IQGAP1: variants seen among roughly 807,000 people sequenced by gnomAD.
IQGAP1 encodes the protein ras GTPase-activating-like protein IQGAP1.
IQGAP1 carries 66 observed loss-of-function variants against 215.6 expected under a neutral mutation model. That is an observed-to-expected ratio of 0.31 (90% confidence interval 0.25 to 0.38). IQGAP1 has a LOEUF of 0.38. Among genes scored for constraint, IQGAP1 ranks in the 10% least tolerant of loss-of-function variants. The pLI is 1.00. For synonymous variants in IQGAP1, 772 were observed against 728.7 expected (o/e 1.06, Z -0.96); for missense variants, 1,712 against 1,997.1 (o/e 0.86, Z 2.72).
chr15:90,456,442 A>G, intron 15 of IQGAP1, 127 bp downstream of exon 15: 1 of 811,346 alleles, frequency 1.2e-6, no homozygotes. Flanking sequence ...GATTCAAAGC[A>G]CTGGAGGGAC....
chr15:90,403,777 G>T (rs1212587357), intron 2 of IQGAP1, among the ~76,000 whole-genome samples: 1 of 152,132 alleles, frequency 6.6e-6, no homozygotes, highest in Non-Finnish European at 1.5e-5. Context: ...GGGTTCAAGC[G>T]ATTGTCCCGC....
intron 3 of IQGAP1, among the ~76,000 whole-genome samples, chr15:90,426,939 G>GT (rs1965231321): frequency 6.9e-6 from 1 of 144,540 alleles, no homozygotes; most frequent in African/African-American, 2.6e-5. Flanking sequence ...GGGTGTCAGA[G>GT]TGAGACTCCA....
At chr15:90,496,531 G>A (rs1966277030) in intron 36 of IQGAP1, among the ~76,000 whole-genome samples, 1 of 151,804 alleles carries the variant, frequency 6.6e-6, no homozygotes, top group South Asian at 2.1e-4. Flanking sequence ...TCACCATGTT[G>A]GCCAGGATGG....
intron 2 of IQGAP1, among the ~76,000 whole-genome samples, chr15:90,404,414 A>T (rs575743436): frequency 1.3e-5 from 2 of 152,334 alleles, no homozygotes; most frequent in Admixed American, 6.5e-5. Flanking sequence ...GAAGATGAGC[A>T]TCTTTACATG....
chr15:90,467,591 A>G lies in IQGAP1; in HGVS notation c.2177A>G (p.Gln726Arg), dbSNP rs372432449. ...ATGCAGCTTTCTCGGGAGGAGATCC[A>G]GGTAGGTTACCTTTCTTCACGTAAG... Reference protein sequence around the residue: ...NSMQLSREEIQSSISGVTAAY... With the variant: ...NSMQLSREEIRSSISGVTAAY... The change falls in exon 18 of 38, where the codon CAG (glutamine) becomes CGG (arginine). Residue 726 changes from glutamine (Q) to arginine (R), a missense_variant and splice_region_variant. Gln to Arg is a conservative substitution (Grantham distance 43). This residue lies in a region of IQGAP1 where 1,021 missense variants were observed against 1,074.2 expected (regional missense o/e 0.95). Coordinates refer to ENST00000268182, the MANE Select transcript of IQGAP1 (RefSeq NM_003870.4). 1.0e-5 allele frequency: 16 copies of G among 1,605,586 alleles called. No homozygotes were observed. Among genetic ancestry groups the G allele is most frequent in the Non-Finnish European group, 1.4e-5 (16 of 1,177,548 alleles).
chr15:90,466,547 T>A (rs756919309), intron 17 of IQGAP1, 111 bp downstream of exon 17: 60 of 1,005,558 alleles, frequency 6.0e-5, no homozygotes, highest in Non-Finnish European at 9.0e-5. Flanking sequence ...AGCATAGATG[T>A]ACAGTACTTA....
At chr15:90,393,062 A>G (rs1260828510) in intron 2 of IQGAP1, among the ~76,000 whole-genome samples, 1 of 150,124 alleles carries the variant, frequency 6.7e-6, no homozygotes, top group African/African-American at 2.5e-5. Context: ...TTTTTTAACT[A>G]TGGTTGTTAA....
At chr15:90,476,601 C>T (rs1236649582) in intron 23 of IQGAP1, 62 bp from the exon 24 acceptor site, 1 of 1,331,046 alleles carries the variant, frequency 7.5e-7, no homozygotes, top group African/African-American at 1.5e-5. Context: ...AAAACCTTTC[C>T]TCAATGCCCA....
chr15:90,467,644 C>G (rs1418282433), intron 18 of IQGAP1, 52 bp downstream of exon 18: 1 of 1,535,692 alleles, frequency 6.5e-7, no homozygotes, highest in Non-Finnish European at 8.8e-7. Context: ...TGTTTTCAAG[C>G]TATAATATTA....
intron 5 of IQGAP1, among the ~76,000 whole-genome samples, chr15:90,435,838 C>T (rs188681848): frequency 3.9e-5 from 6 of 152,232 alleles, no homozygotes; most frequent in African/African-American, 1.2e-4. Flanking sequence ...CAGTGTGTTT[C>T]GTGATTTATG....
chr15:90,470,087 A>C (rs1965885133), intron 18 of IQGAP1, among the ~76,000 whole-genome samples: 1 of 152,128 alleles, frequency 6.6e-6, no homozygotes, highest in South Asian at 2.1e-4. Context: ...GCATATATGG[A>C]CCTAAGAATT....
Position 90,388,293 on chromosome 15 carries a change from G to A in IQGAP1, c.-49G>A, listed in dbSNP as rs914178459. On this transcript the variant is annotated 5_prime_UTR_variant, in exon 1 of 38. Transcript: ENST00000268182. ...AGGAGCTGTAGCTACCGCCGTCCGC[G>A]CCTCCAAGGTTTCACGGCTTCCTCA... 4 of 1,591,492 alleles carry A rather than the reference G, an allele frequency of 2.5e-6. No individual in the cohort carries two copies. Among genetic ancestry groups the A allele is most frequent in the Middle Eastern group, 1.7e-4 (1 of 5,978 alleles).
chr15:90,454,327 T>C, intron 13 of IQGAP1, 101 bp from the exon 14 acceptor site: 1 of 1,429,816 alleles, frequency 7.0e-7, no homozygotes, highest in African/African-American at 1.4e-5. Flanking sequence ...AAACTGGTCT[T>C]GAGAATATAT....
At chr15:90,493,253 T>A (rs1310222899) in intron 35 of IQGAP1, among the ~76,000 whole-genome samples, 4 of 142,228 alleles carry the variant, frequency 2.8e-5, no homozygotes, top group Non-Finnish European at 6.1e-5. Context: ...AAAAAAAAAA[T>A]CTTCTTGGCC....
rs768410439 is a variant in IQGAP1, at chr15:90,454,521, T to A, written c.1581T>A (p.His527Gln). Residue 527 changes from histidine (H) to glutamine (Q), a missense_variant, in exon 14 of 38, where the codon CAT (histidine) becomes CAA (glutamine). His to Gln is a conservative substitution (Grantham distance 24). Transcript: ENST00000268182. Reference sequence around the variant, plus strand: ...ATGATATCCAAGCTTGCGTGGACCATGTGAACCTGGTGGTGCAAGAGGAAC... The same window carrying A: ...ATGATATCCAAGCTTGCGTGGACCAAGTGAACCTGGTGGTGCAAGAGGAAC... ...TWNDIQACVD[H>Q]VNLVVQEEHE... The A allele has an allele frequency of 6.2e-7, 1 of 1,600,930 alleles. No individual in the cohort carries two copies. Among genetic ancestry groups the A allele is most frequent in the Admixed American group, 1.7e-5 (1 of 57,508 alleles).
At chr15:90,453,363 C>T in intron 13 of IQGAP1, 71 bp downstream of exon 13, 3 of 1,203,766 alleles carry the variant, frequency 2.5e-6, no homozygotes, top group Non-Finnish European at 3.5e-6. Flanking sequence ...TGTCAGTGCT[C>T]CGATTTTCTT....
intron 2 of IQGAP1, among the ~76,000 whole-genome samples, chr15:90,407,878 C>T (rs759286069): frequency 6.6e-6 from 1 of 152,132 alleles, no homozygotes; most frequent in East Asian, 1.9e-4. Flanking sequence ...TAGGAGCTTA[C>T]GGATTAATTG....
At position 90,482,061 on chromosome 15, in the gene IQGAP1, A is replaced by C; in HGVS notation, c.3431A>C (p.Lys1144Thr). ...AGGAACATGCGGGCTGTGACAGACA[A>C]GTTTCTCTCAGCCATTGTCAGCTCT... Reference protein sequence around the residue: ...SIRNMRAVTDKFLSAIVSSVD... With the variant: ...SIRNMRAVTDTFLSAIVSSVD... The change falls in exon 27 of 38, where the codon AAG becomes ACG. Residue 1144 changes from lysine (K) to threonine (T), a missense_variant. Lys to Thr is a moderately conservative substitution (Grantham distance 78). This residue lies in a region of IQGAP1 where 691 missense variants were observed against 923.0 expected (regional missense o/e 0.75). Coordinates refer to ENST00000268182, the MANE Select transcript of IQGAP1 (RefSeq NM_003870.4). 6.2e-7 allele frequency: 1 copy of C among 1,614,248 alleles called. No homozygotes were observed. The highest frequency in any genetic ancestry group is 8.5e-7 in the Non-Finnish European group (1 of 1,180,046).
At chr15:90,492,419 T>TA (rs56724183) in intron 34 of IQGAP1, 126 bp from the exon 35 acceptor site, 26,316 of 368,602 alleles carry the variant, frequency 0.071, 148 homozygotes, top group East Asian at 0.12. Flanking sequence ...ACAGAGTGTC[T>TA]AAAAAAAAAA....
Sources: allele counts gnomAD v4.1 joint callset (sites outside exome capture counted in the v4.1 genomes callset), GRCh38; gene constraint gnomAD v4.1.1; regional missense constraint gnomAD v4.1.1; transcripts MANE v1.5; gene names NCBI Gene and HGNC (gene_info 2026-07-23, HGNC 2026-07-21).